ZNF407: variants seen among roughly 807,000 people sequenced by gnomAD.
The protein encoded by ZNF407 is zinc finger protein 407.
A neutral mutation model predicts 131.2 loss-of-function variants in ZNF407; 17 were observed. That is an observed-to-expected ratio of 0.13 (90% CI 0.09 to 0.19). The LOEUF (loss-of-function observed/expected upper bound fraction) is 0.19. Ranked by LOEUF, ZNF407 falls within the 10% of genes least tolerant of loss-of-function variation. ZNF407 has a pLI of 1.00. For missense variants in ZNF407, 2,681 were observed against 2,830.6 expected (o/e 0.95, Z 1.20); for synonymous variants, 1,156 against 1,062.0 (o/e 1.09, Z -1.72).
At chr18:74,810,391 A>G (rs901590337) in intron 4 of ZNF407, among the ~76,000 whole-genome samples, 1 of 151,408 alleles carries the variant, frequency 6.6e-6, no homozygotes, top group African/African-American at 2.4e-5. Context: ...TCACCACTTG[A>G]TGTACTGAAT....
At chr18:74,724,783 G>A (rs1968119027) in intron 3 of ZNF407, among the ~76,000 whole-genome samples, 1 of 152,036 alleles carries the variant, frequency 6.6e-6, no homozygotes, top group East Asian at 1.9e-4. Context: ...CTTTATATAT[G>A]ACCAGTGGAG....
chr18:74,765,278 A>C (rs1194607023), intron 3 of ZNF407, among the ~76,000 whole-genome samples: 3 of 151,958 alleles, frequency 2.0e-5, no homozygotes, highest in Non-Finnish European at 4.4e-5. Flanking sequence ...TATTTGATTG[A>C]TTTTTCTCCT....
At chr18:74,943,309 C>T (rs1266998064) in intron 8 of ZNF407, among the ~76,000 whole-genome samples, 7 of 152,128 alleles carry the variant, frequency 4.6e-5, no homozygotes, top group East Asian at 1.9e-4. Flanking sequence ...GCTGATATTA[C>T]GTTAATAGTG....
chr18:74,764,499 G>C (rs948261989), intron 3 of ZNF407, among the ~76,000 whole-genome samples: 10 of 152,240 alleles, frequency 6.6e-5, no homozygotes, highest in Admixed American at 6.5e-4. Context: ...TCTACCAACT[G>C]CTGGTCAGAA....
intron 8 of ZNF407, among the ~76,000 whole-genome samples, chr18:75,047,849 C>G (rs936390721): frequency 6.6e-5 from 10 of 152,230 alleles, no homozygotes; most frequent in African/African-American, 1.9e-4. Flanking sequence ...TACTGTCATT[C>G]TGATTGTCTG....
At chr18:74,762,353 A>G (rs764821861) in intron 3 of ZNF407, among the ~76,000 whole-genome samples, 21 of 152,164 alleles carry the variant, frequency 1.4e-4, no homozygotes, top group Non-Finnish European at 2.4e-4. Flanking sequence ...AATATTTTCT[A>G]ATTAAAATTA....
Position 74,634,094 on chromosome 18 carries a change from T to A in ZNF407, c.3075T>A (p.Ser1025Arg). The stretch of plus-strand genomic sequence containing the variant: ...ATAAGTGTTTGCACTGTGAGTTTAG[T>A]GCTCACTCCTCTGCTTCTCTAGAGC... Reference protein sequence around the residue: ...GENKCLHCEFSAHSSASLELH... With the variant: ...GENKCLHCEFRAHSSASLELH... Residue 1025 changes from serine (S) to arginine (R), a missense_variant, in exon 2 of 9, where the codon AGT becomes AGA. Physicochemically the swap from Ser to Arg is moderately radical, Grantham distance 110. Transcript: ENST00000299687. 6.2e-7 allele frequency: 1 copy of A among 1,614,054 alleles called. No homozygotes were observed.
intron 6 of ZNF407, among the ~76,000 whole-genome samples, chr18:74,886,425 T>G (rs200611531): frequency 5.3e-5 from 1 of 18,718 alleles, no homozygotes; most frequent in Non-Finnish European, 1.5e-4. Context: ...CAAGGGATGT[T>G]CATATAATGA....
intron 4 of ZNF407, among the ~76,000 whole-genome samples, chr18:74,848,096 C>G (rs1309307342): frequency 6.6e-6 from 1 of 152,114 alleles, no homozygotes; most frequent in Non-Finnish European, 1.5e-5. Context: ...TATAGCGTGA[C>G]AAACCTGAAC....
intron 8 of ZNF407, among the ~76,000 whole-genome samples, chr18:74,964,739 A>G (rs1421239772): frequency 2.6e-5 from 4 of 152,164 alleles, no homozygotes; most frequent in Admixed American, 2.0e-4. Context: ...CAAATGCTGA[A>G]TGTTAATATT....
intron 3 of ZNF407, among the ~76,000 whole-genome samples, chr18:74,672,229 G>GT (rs1164537313): frequency 1.3e-5 from 2 of 152,142 alleles, no homozygotes; most frequent in Non-Finnish European, 2.9e-5. Context: ...TTTTTTGACT[G>GT]TTTAATACAG....
At chr18:74,776,450 G>A (rs1341752414) in intron 3 of ZNF407, among the ~76,000 whole-genome samples, 1 of 152,176 alleles carries the variant, frequency 6.6e-6, no homozygotes, top group Non-Finnish European at 1.5e-5. Context: ...TAGTGGTCCG[G>A]TAAGATTAGA....
intron 7 of ZNF407, among the ~76,000 whole-genome samples, chr18:74,899,138 A>C (rs1473063282): frequency 6.6e-6 from 1 of 152,200 alleles, no homozygotes; most frequent in African/African-American, 2.4e-5. Context: ...CTCCAAAAGC[A>C]GTAGGGAGCC....
At chr18:74,767,635 T>A (rs1438575353) in intron 3 of ZNF407, among the ~76,000 whole-genome samples, 1 of 146,228 alleles carries the variant, frequency 6.8e-6, no homozygotes, top group Non-Finnish European at 1.5e-5. Flanking sequence ...TTAGATTGTA[T>A]AATTCTGAAT....
intron 8 of ZNF407, among the ~76,000 whole-genome samples, chr18:74,956,144 C>T (rs952612599): frequency 6.6e-6 from 1 of 152,170 alleles, no homozygotes; most frequent in Non-Finnish European, 1.5e-5. Context: ...AATCCCCAGC[C>T]TCCAGCTTAA....
At chr18:74,766,333 C>A (rs1164430240) in intron 3 of ZNF407, among the ~76,000 whole-genome samples, 2 of 152,116 alleles carry the variant, frequency 1.3e-5, no homozygotes, top group Non-Finnish European at 2.9e-5. Context: ...GAAGCTGGGT[C>A]CCATCCTATG....
chr18:74,657,726 G>A (rs187627235), intron 3 of ZNF407, among the ~76,000 whole-genome samples: 14 of 152,264 alleles, frequency 9.2e-5, no homozygotes, highest in Admixed American at 2.0e-4. Flanking sequence ...CAGCAGCAGT[G>A]TTTACGCTGT....
intron 4 of ZNF407, among the ~76,000 whole-genome samples, chr18:74,841,246 G>T (rs1970628609): frequency 6.6e-6 from 1 of 152,128 alleles, no homozygotes; most frequent in South Asian, 2.1e-4. Flanking sequence ...CTTTTCGTAG[G>T]CTGAAATGGG....
chr18:74,736,605 A>G (rs474081), intron 3 of ZNF407, among the ~76,000 whole-genome samples: 136,633 of 152,110 alleles, frequency 0.9, 61,427 homozygotes, highest in Non-Finnish European at 0.9. Flanking sequence ...TTTTTTTAAC[A>G]TATAAAATGT....
Sources: gnomAD v4.1 joint callset for allele counts (sites outside exome capture counted in the v4.1 genomes callset) on GRCh38, gnomAD v4.1.1 for gene constraint, MANE v1.5 for transcripts, NCBI Gene and HGNC (gene_info 2026-07-23, HGNC 2026-07-21) for gene names.